RNF144A: variants seen among roughly 807,000 people sequenced by gnomAD.
RNF144A encodes the protein E3 ubiquitin-protein ligase RNF144A.
Under a neutral mutation model 38.7 loss-of-function variants are expected in RNF144A, and 11 were observed. The observed-to-expected ratio is 0.28, with a 90% CI of 0.18 to 0.47. RNF144A has a LOEUF of 0.47. RNF144A is among the 20% of genes least tolerant of loss of function. The pLI is 0.99. For missense variants in RNF144A, 316 were observed against 377.2 expected, an observed-to-expected ratio of 0.84 and a Z score of 1.34; for synonymous variants, 149 against 143.9, an observed-to-expected ratio of 1.04 and a Z score of -0.25.
intron 2 of RNF144A, among the ~76,000 whole-genome samples, chr2:6,982,002 G>A (rs913529773): frequency 4.6e-5 from 7 of 152,128 alleles, no homozygotes; most frequent in African/African-American, 7.2e-5. Context: ...GAGAGAGAGC[G>A]CACAGGGGAA....
At chr2:6,947,853 CT>C (rs1289707998) in intron 2 of RNF144A, among the ~76,000 whole-genome samples, 16 of 152,324 alleles carry the variant, frequency 1.1e-4, no homozygotes, top group African/African-American at 2.6e-4. Context: ...AGCCACTTCC[CT>C]CTTGGATTTG....
intron 2 of RNF144A, among the ~76,000 whole-genome samples, chr2:6,955,788 AT>A (rs1484413600): frequency 6.6e-6 from 1 of 152,076 alleles, no homozygotes; most frequent in Non-Finnish European, 1.5e-5. Context: ...CCCCATTTTA[AT>A]GGCTGTCTTT....
rs758496235 is a variant in RNF144A, at chr2:7,058,337, T to TG, written c.735-9878dup. On this transcript the variant is annotated intron_variant, in intron 6 of 6. Transcript: ENST00000432850. ...AACCACAGGAAGTGTATGGGGGAAC[T>TG]GAAAAAAAAAAAAAAAAAAGTAATT... Among the ~76,000 whole-genome samples, 45 of 102,266 alleles carry TG rather than the reference T, an allele frequency of 4.4e-4. 1 individual carries two copies. The highest frequency in any genetic ancestry group is 1.9e-3 in the South Asian group (7 of 3,688). 67.1% of individuals were successfully genotyped at this position (102,266 alleles called of 152,430 possible).
At chr2:7,024,582 A>G in intron 7 of RNF144A, 66 bp downstream of exon 7, 1 of 1,545,712 alleles carries the variant, frequency 6.5e-7, no homozygotes, top group Non-Finnish European at 8.8e-7. Flanking sequence ...GAATGAGAAA[A>G]ATAGACCAGC....
At chr2:6,996,324 C>T (rs1023421651) in intron 2 of RNF144A, among the ~76,000 whole-genome samples, 4 of 152,128 alleles carry the variant, frequency 2.6e-5, no homozygotes, top group African/African-American at 9.7e-5. Flanking sequence ...AAGGTTTTGC[C>T]CCCCTGGTTT....
chr2:7,034,025 A>G (rs918735779), intron 8 of RNF144A, among the ~76,000 whole-genome samples: 16 of 152,208 alleles, frequency 1.1e-4, no homozygotes, highest in Non-Finnish European at 2.4e-4. Context: ...CCCAGGAGCC[A>G]TGAGAGCTGC....
At chr2:6,964,226 T>C (rs573730682) in intron 2 of RNF144A, among the ~76,000 whole-genome samples, 39 of 152,236 alleles carry the variant, frequency 2.6e-4, no homozygotes, top group African/African-American at 9.1e-4. Flanking sequence ...AAAATACTCA[T>C]CATCACTGGC....
chr2:7,065,509 T>C (rs1674175165), intron 6 of RNF144A, among the ~76,000 whole-genome samples: 1 of 152,238 alleles, frequency 6.6e-6, no homozygotes, highest in Admixed American at 6.5e-5. Context: ...CAAAACTGGC[T>C]GAGATTGGAT....
chr2:6,983,674 C>T (rs112054802), intron 2 of RNF144A, among the ~76,000 whole-genome samples: 43 of 152,224 alleles, frequency 2.8e-4, no homozygotes, highest in Non-Finnish European at 5.4e-4. Flanking sequence ...AGCCTTGTAC[C>T]GGAATCCTCC....
chr2:7,020,676 A>G lies in RNF144A; in HGVS notation c.505A>G (p.Thr169Ala). Residue 169 changes from threonine (T) to alanine (A), a missense_variant, in exon 6 of 9, where the codon ACC becomes GCC. By Grantham distance (58) the Thr-to-Ala change is moderately conservative. Transcript: ENST00000320892. ...GCCGATCACCTTCCTCCCCGGGGAG[A>G]CCAGGTACCCTTTGTACACAAGCTG... ...TMPITFLPGE[T>A]SAAFKMEEDD... The G allele has an allele frequency of 1.2e-6, 2 of 1,602,086 alleles. No homozygotes were observed. Among genetic ancestry groups the G allele is most frequent in the South Asian group, 1.1e-5 (1 of 91,078 alleles).
chr2:6,983,449 G>A lies in RNF144A; in HGVS notation c.-11-13467G>A, dbSNP rs550148871. 2.6e-5 allele frequency among the ~76,000 whole-genome samples: 4 copies of A among 152,290 alleles called. No homozygotes were observed. In the East Asian group the frequency reaches 5.8e-4, roughly 22 times the overall value. ...TAGTGAGGTTTACAGTCAGCATCAC[G>A]CCTCTGGCCATCGTGTAGCACTGGA... On this transcript the variant is annotated intron_variant, in intron 2 of 8. Coordinates refer to ENST00000320892, the MANE Select transcript of RNF144A (RefSeq NM_014746.6).
intron 5 of RNF144A, among the ~76,000 whole-genome samples, 167 bp downstream of exon 5, chr2:7,014,939 C>T (rs1671046065): frequency 6.6e-6 from 1 of 152,196 alleles, no homozygotes; most frequent in South Asian, 2.1e-4. Flanking sequence ...ATTCTCTGAA[C>T]AGCTCACAGT....
chr2:7,060,881 T>C (rs1006163622), intron 6 of RNF144A, among the ~76,000 whole-genome samples: 27 of 152,232 alleles, frequency 1.8e-4, no homozygotes, highest in African/African-American at 6.5e-4. Flanking sequence ...CCGGCACTTG[T>C]GTTGAATTGC....
chr2:7,065,158 T>G (rs1322919848), intron 6 of RNF144A, among the ~76,000 whole-genome samples: 1 of 152,256 alleles, frequency 6.6e-6, no homozygotes, highest in Non-Finnish European at 1.5e-5. Flanking sequence ...ATTCTGATGA[T>G]GTAGGTACAA....
rs549524376 is a variant in RNF144A, at chr2:6,920,555, A to T, written c.-212+2933A>T. Among the ~76,000 whole-genome samples the T allele has an allele frequency of 5.3e-5, 8 of 152,334 alleles. No individual in the cohort carries two copies. The South Asian group carries it at 1.7e-3, about 32-fold the overall frequency. On this transcript the variant is annotated intron_variant, in intron 1 of 8. Coordinates refer to ENST00000320892, the MANE Select transcript of RNF144A (RefSeq NM_014746.6). ...TTGAGCCCTCAGACTCTCTTAGAGC[A>T]AGGAACCCCTGGCTTCACAGGATGT...
At chr2:6,985,804 C>T (rs1016156167) in intron 2 of RNF144A, among the ~76,000 whole-genome samples, 1 of 152,172 alleles carries the variant, frequency 6.6e-6, no homozygotes, top group African/African-American at 2.4e-5. Context: ...TCCCGAGTAG[C>T]TGGGACTGCA....
intron 5 of RNF144A, among the ~76,000 whole-genome samples, chr2:7,016,141 T>C (rs907417469): frequency 3.5e-5 from 5 of 141,454 alleles, no homozygotes; most frequent in African/African-American, 1.3e-4. Flanking sequence ...AAGAAAAAAA[T>C]ATGTAGCCCA....
chr2:7,060,787 C>T (rs1010364122), intron 6 of RNF144A, among the ~76,000 whole-genome samples: 2 of 152,220 alleles, frequency 1.3e-5, no homozygotes, highest in Non-Finnish European at 2.9e-5. Context: ...CCTGTGCAGT[C>T]ATCCACCTGA....
At chr2:6,935,605 G>A (rs1300175301) in intron 1 of RNF144A, among the ~76,000 whole-genome samples, 1 of 151,446 alleles carries the variant, frequency 6.6e-6, no homozygotes, top group African/African-American at 2.4e-5. Context: ...AGCTCATTTG[G>A]CTTCCAGTGT....
Sources: allele counts gnomAD v4.1 joint callset (sites outside exome capture counted in the v4.1 genomes callset), GRCh38; gene constraint gnomAD v4.1.1; transcripts MANE v1.5; gene names NCBI Gene and HGNC (gene_info 2026-07-23, HGNC 2026-07-21).